The following DIP2A variants were observed in gnomAD, a reference collection of about 807,000 sequenced individuals.
DIP2A encodes the protein DIP2 acetate--CoA ligase A.
In DIP2A, 85 loss-of-function variants were observed where a neutral mutation model predicts 177.4. That is an observed-to-expected ratio of 0.48 (90% CI 0.40 to 0.57). The LOEUF (loss-of-function observed/expected upper bound fraction) is 0.57, where lower values mean the gene tolerates loss of function less well. DIP2A is among the 20% of genes least tolerant of loss of function. DIP2A has a pLI of 0.00. For missense variants in DIP2A, 1,791 were observed against 2,100.2 expected (o/e 0.85, Z 2.88); for synonymous variants, 886 against 881.8 (o/e 1.00, Z -0.08).
intron 34 of DIP2A, among the ~76,000 whole-genome samples, chr21:46,562,543 C>A (rs1045038404): frequency 3.3e-5 from 5 of 152,150 alleles, no homozygotes; most frequent in Non-Finnish European, 7.4e-5. Flanking sequence ...CCCAGCCAAG[C>A]CATGTGATGT....
At chr21:46,480,601 G>C (rs1209933048) in intron 1 of DIP2A, among the ~76,000 whole-genome samples, 1 of 152,144 alleles carries the variant, frequency 6.6e-6, no homozygotes, top group Admixed American at 6.5e-5. Flanking sequence ...TGGGATCCTG[G>C]GTAAGCTTGT....
chr21:46,520,193 A>G (rs1431776204), intron 8 of DIP2A, among the ~76,000 whole-genome samples: 1 of 151,930 alleles, frequency 6.6e-6, no homozygotes. Context: ...TTTTTACATT[A>G]CCCATCTCTC....
At chr21:46,473,825 A>G (rs531214119) in intron 1 of DIP2A, among the ~76,000 whole-genome samples, 1 of 152,234 alleles carries the variant, frequency 6.6e-6, no homozygotes, top group East Asian at 1.9e-4. Context: ...CAGGTGCTTT[A>G]CTTTAAACAG....
the DIP2A span, among the ~76,000 whole-genome samples, chr21:46,579,411 T>A: frequency 2.7e-5 from 4 of 149,398 alleles, no homozygotes; most frequent in African/African-American, 1.0e-4. Flanking sequence ...GCTCCTGGAT[T>A]CGTTGATTTT....
rs377611947 is a variant in DIP2A at position 46,504,406 on chromosome 21, A to G, written c.701A>G (p.His234Arg). The stretch of plus-strand genomic sequence containing the variant: ...GATGTCACCACGGGCCTCGTGGAGC[A>G]TTCGTACTTTGAGCGTCCACAGGTG... Reference protein sequence around the residue: ...PPDVTTGLVEHSYFERPQVAS... With the variant: ...PPDVTTGLVERSYFERPQVAS... Residue 234 changes from histidine to arginine, a missense_variant, in exon 6 of 38, where the codon CAT becomes CGT. Physicochemically the swap from His to Arg is conservative, Grantham distance 29 (BLOSUM62 0). Coordinates refer to ENST00000417564, the MANE Select transcript of DIP2A (RefSeq NM_015151.4). The G allele has an allele frequency of 4.3e-6, 7 of 1,613,792 alleles. No homozygotes were observed. Among genetic ancestry groups the G allele is most frequent in the Admixed American group, 1.7e-5 (1 of 59,978 alleles).
At chr21:46,533,403 T>C in intron 10 of DIP2A, 121 bp from the exon 11 acceptor site, 1 of 1,220,524 alleles carries the variant, frequency 8.2e-7, no homozygotes, top group South Asian at 1.8e-5. Context: ...TGAATTATTC[T>C]GGAAGTTTTA....
At chr21:46,492,224 G>A (rs956751120) in intron 3 of DIP2A, among the ~76,000 whole-genome samples, 1 of 152,184 alleles carries the variant, frequency 6.6e-6, no homozygotes, top group South Asian at 2.1e-4. Flanking sequence ...GTAGTCAGCT[G>A]TTCCTGGGCC....
intron 8 of DIP2A, among the ~76,000 whole-genome samples, chr21:46,528,112 A>C (rs1490491820): frequency 6.6e-6 from 1 of 152,160 alleles, no homozygotes; most frequent in Non-Finnish European, 1.5e-5. Flanking sequence ...TTCCAAGTAA[A>C]GAATGGATGG....
In DIP2A at chr21:46,563,397, A is replaced by C. The variant is rs1323786979; in HGVS notation, c.4090-461A>C. Among the ~76,000 whole-genome samples the C allele has an allele frequency of 1.3e-5, 2 of 152,050 alleles. No individual in the cohort carries two copies. Among genetic ancestry groups the C allele is most frequent in the African/African-American group, 4.8e-5 (2 of 41,394 alleles). ...GAGATGGTGGCCTCTTGCCGTCCTGAATTGGCACAGAGCCAGTGCTCAGTG... is the reference window on the plus strand; with the variant it reads ...GAGATGGTGGCCTCTTGCCGTCCTGCATTGGCACAGAGCCAGTGCTCAGTG... On this transcript the variant is annotated intron_variant, in intron 34 of 37. Coordinates refer to ENST00000417564, the MANE Select transcript of DIP2A (RefSeq NM_015151.4). This position sits in a 1 kb window ranked among gnomAD's most constrained non-coding sequence, Gnocchi z 4.3.
At chr21:46,564,365 G>A (rs997554609) in intron 35 of DIP2A, among the ~76,000 whole-genome samples, 2 of 152,198 alleles carry the variant, frequency 1.3e-5, no homozygotes, top group African/African-American at 4.8e-5. Flanking sequence ...TGGGAGGTTT[G>A]GGGAGCTCAG....
intron 5 of DIP2A, among the ~76,000 whole-genome samples, chr21:46,503,195 T>C (rs2148562776): frequency 6.6e-6 from 1 of 152,114 alleles, no homozygotes; most frequent in East Asian, 1.9e-4. Context: ...TGGTGGCACA[T>C]GCCTGTAATC....
chr21:46,528,108 G>A (rs971542807), intron 8 of DIP2A, among the ~76,000 whole-genome samples: 5 of 152,160 alleles, frequency 3.3e-5, no homozygotes, highest in South Asian at 2.1e-4. Context: ...GGCTTTCCAA[G>A]TAAAGAATGG....
chr21:46,554,266 A>T lies in DIP2A; in HGVS notation c.3128A>T (p.Asp1043Val). ...GAGAAGGGAAGACTGAGTGTTGGGG[A>T]CCATGTGGCTCTGGTCTACCCACCA... ...LMEKGRLSVG[D>V]HVALVYPPGV... The change falls in exon 26 of 38, where the codon GAC becomes GTC. Residue 1043 changes from aspartate (D) to valine (V), a missense_variant. Transcript: ENST00000417564. The T allele has an allele frequency of 6.2e-7, 1 of 1,613,864 alleles. No homozygotes were observed. The highest frequency in any genetic ancestry group is 1.3e-5 in the African/African-American group (1 of 75,008).
In DIP2A at chr21:46,556,342, T is replaced by G. The variant is rs1301129500; in HGVS notation, c.3498+251T>G. ...TTATGACTGTCTAGCTTACAGGAAC[T>G]GGTGGCTTTGAAGAATCTCTTACCT... is the stretch of plus-strand genomic sequence containing the variant. On this transcript the variant is annotated intron_variant, in intron 29 of 37. Coordinates refer to ENST00000417564, the MANE Select transcript of DIP2A (RefSeq NM_015151.4). The surrounding 1 kb of genome is among the most constrained non-coding windows in gnomAD (Gnocchi z 4.5). The G allele has an allele frequency of 6.9e-7, 1 of 1,445,874 alleles. No homozygotes were observed. Among genetic ancestry groups the G allele is most frequent in the East Asian group, 3.2e-5 (1 of 30,914 alleles). The allele number at this position is 1,445,874 out of a possible 1,614,324, so 89.6% of individuals were successfully genotyped here. A position where few individuals can be genotyped will look rare whatever the true frequency, so the allele number is the denominator to read the frequency against.
chr21:46,571,316 A>G (rs1383831882), downstream of DIP2A, among the ~76,000 whole-genome samples: 2 of 152,186 alleles, frequency 1.3e-5, no homozygotes, highest in Non-Finnish European at 2.9e-5. Flanking sequence ...GCTGGTGCCA[A>G]AAAGGTTGGG....
chr21:46,491,373 G>C (rs1429063301), intron 3 of DIP2A, among the ~76,000 whole-genome samples: 2 of 152,020 alleles, frequency 1.3e-5, no homozygotes, highest in South Asian at 2.1e-4. Flanking sequence ...TAGGGATAAT[G>C]GTTGTTTTAA....
At chr21:46,506,117 T>C (rs1175401766) in intron 6 of DIP2A, among the ~76,000 whole-genome samples, 1 of 152,092 alleles carries the variant, frequency 6.6e-6, no homozygotes, top group East Asian at 1.9e-4. Flanking sequence ...ATTGTAGGTG[T>C]ATTTCACCTT....
At chr21:46,555,727 C>T (rs1478962267) in intron 28 of DIP2A, 4 of 513,242 alleles carry the variant, frequency 7.8e-6, no homozygotes, top group Non-Finnish European at 1.4e-5. Context: ...GATGCCTCCC[C>T]TCTTCGCCCT....
chr21:46,462,318 T>C (rs1218027270), intron 1 of DIP2A, among the ~76,000 whole-genome samples: 1 of 152,222 alleles, frequency 6.6e-6, no homozygotes, highest in East Asian at 1.9e-4. Flanking sequence ...TGCTTACTGG[T>C]AAGGACTTTG....
Sources: gnomAD v4.1 joint callset for allele counts (sites outside exome capture counted in the v4.1 genomes callset) on GRCh38, gnomAD v4.1.1 for gene constraint, Gnocchi (gnomAD v3.1) non-coding constraint, MANE v1.5 for transcripts, NCBI Gene and HGNC (gene_info 2026-07-23, HGNC 2026-07-21) for gene names.